KSR2: variants seen among roughly 807,000 people sequenced by gnomAD.
KSR2 encodes the protein kinase suppressor of ras 2.
In KSR2, 25 loss-of-function variants were observed where a neutral mutation model predicts 107.8. The ratio of observed to expected loss-of-function variants is 0.23; its 90% CI spans 0.17 to 0.32. The LOEUF is 0.32. Among genes scored for constraint, KSR2 ranks in the 10% least tolerant of loss-of-function variants. The pLI, the probability that KSR2 is intolerant of heterozygous loss-of-function variation, is 1.00. For missense variants in KSR2, 887 were observed against 1,268.9 expected (o/e 0.70, Z 4.57); for synonymous variants, 480 against 507.0 (o/e 0.95, Z 0.71).
intron 1 of KSR2, among the ~76,000 whole-genome samples, chr12:117,908,531 C>T (rs528077552): frequency 3.3e-5 from 5 of 152,254 alleles, no homozygotes; most frequent in Admixed American, 6.5e-5. Context: ...CTCTGTGACA[C>T]AAATATGCAA....
chr12:117,953,810 G>A (rs1051090004), intron 1 of KSR2, among the ~76,000 whole-genome samples: 1 of 152,198 alleles, frequency 6.6e-6, no homozygotes, highest in Non-Finnish European at 1.5e-5. Context: ...GAAATGGGCA[G>A]GGCACAGTGA....
chr12:117,784,300 T>G (rs1175501694), intron 3 of KSR2, among the ~76,000 whole-genome samples: 2 of 152,118 alleles, frequency 1.3e-5, no homozygotes, highest in Admixed American at 6.5e-5. Flanking sequence ...TCTCACGAGA[T>G]CTGATGGTTT....
In KSR2 at chr12:117,834,361, C is replaced by T. The variant is rs182187156; in HGVS notation, c.472+21067G>A. ...AACAAGTACACCTTTTCCAGGGCAC[C>T]GTATGTTACTGACTTCAATACTGAA... On this transcript the variant is annotated intron_variant, in intron 3 of 19. Coordinates refer to ENST00000339824, the MANE Select transcript of KSR2 (RefSeq NM_173598.6). Among the ~76,000 whole-genome samples the T allele has an allele frequency of 2.0e-4, 28 of 142,590 alleles. No homozygotes were observed. In the East Asian group the frequency reaches 4.5e-3, roughly 23 times the overall value. The allele number at this position is 142,590 out of a possible 152,430, so 93.5% of individuals were successfully genotyped here. A position where few individuals can be genotyped will look rare whatever the true frequency, so the allele number is the denominator to read the frequency against.
At chr12:117,807,643 T>G (rs1891055193) in intron 3 of KSR2, among the ~76,000 whole-genome samples, 1 of 152,224 alleles carries the variant, frequency 6.6e-6, no homozygotes, top group Non-Finnish European at 1.5e-5. Context: ...GACCTATAAA[T>G]GCATCATAAA....
At chr12:117,521,409 C>G (rs1874749420) in intron 14 of KSR2, among the ~76,000 whole-genome samples, 1 of 152,200 alleles carries the variant, frequency 6.6e-6, no homozygotes, top group African/African-American at 2.4e-5. Context: ...GTGAGAGACA[C>G]TTTCACTCAA....
chr12:117,724,380 T>C (rs1887331045), intron 4 of KSR2, among the ~76,000 whole-genome samples: 2 of 152,056 alleles, frequency 1.3e-5, no homozygotes, highest in South Asian at 4.1e-4. Flanking sequence ...AGTAGCAATG[T>C]TCCTCAGATA....
chr12:117,925,620 A>G (rs997526760), intron 1 of KSR2, among the ~76,000 whole-genome samples: 7 of 152,200 alleles, frequency 4.6e-5, no homozygotes, highest in Middle Eastern at 3.2e-3. Context: ...ATGGCTATTA[A>G]TATTATTACT....
chr12:117,631,033 G>A (rs1190067410), intron 5 of KSR2, among the ~76,000 whole-genome samples: 1 of 152,166 alleles, frequency 6.6e-6, no homozygotes. Flanking sequence ...TATTTGTTGA[G>A]TAAGCCAGGC....
rs1881000794 is a variant in KSR2, at chr12:117,602,268, T to C, written c.1172-19909A>G. Among the ~76,000 whole-genome samples, 4 of 152,372 alleles carry C rather than the reference T, an allele frequency of 2.6e-5. No individual in the cohort carries two copies. In the South Asian group the frequency reaches 8.3e-4, roughly 32 times the overall value. On this transcript the variant is annotated intron_variant, in intron 5 of 19. Coordinates refer to ENST00000339824, the MANE Select transcript of KSR2 (RefSeq NM_173598.6). Reference sequence around the variant, plus strand: ...TAAAATAAAATTAACCATTTAAAAGTGTGTGATTCCATTGCCTTTAACACG... The same window carrying C: ...TAAAATAAAATTAACCATTTAAAAGCGTGTGATTCCATTGCCTTTAACACG...
chr12:117,871,808 A>C (rs914131422), intron 1 of KSR2, among the ~76,000 whole-genome samples: 4 of 148,538 alleles, frequency 2.7e-5, no homozygotes, highest in African/African-American at 9.9e-5. Context: ...TCTATATCTT[A>C]TAATTTTTCA....
intron 4 of KSR2, among the ~76,000 whole-genome samples, chr12:117,711,769 C>A (rs2136656492): frequency 6.6e-6 from 1 of 152,320 alleles, no homozygotes; most frequent in African/African-American, 2.4e-5. Flanking sequence ...ACCTTAAGCT[C>A]TTGCAGAGAT....
intron 4 of KSR2, among the ~76,000 whole-genome samples, chr12:117,721,410 T>C (rs1887200560): frequency 6.6e-6 from 1 of 152,360 alleles, no homozygotes; most frequent in South Asian, 2.1e-4. Flanking sequence ...ATGGTCAGAA[T>C]AATACTATTA....
intron 5 of KSR2, among the ~76,000 whole-genome samples, chr12:117,633,008 T>A (rs1882882430): frequency 6.6e-6 from 1 of 152,222 alleles, no homozygotes; most frequent in Non-Finnish European, 1.5e-5. Flanking sequence ...TGCTCTATTT[T>A]TAGTTGCAGG....
intron 5 of KSR2, among the ~76,000 whole-genome samples, chr12:117,632,024 T>A (rs1162386190): frequency 2.0e-5 from 3 of 152,090 alleles, no homozygotes; most frequent in South Asian, 4.1e-4. Context: ...TCTGCCAAAA[T>A]TCTGACTATT....
chr12:117,931,390 G>A (rs1236329515), intron 1 of KSR2, among the ~76,000 whole-genome samples: 1 of 152,132 alleles, frequency 6.6e-6, no homozygotes, highest in Non-Finnish European at 1.5e-5. Flanking sequence ...TTCAGAGAAT[G>A]ACTCAAAAAG....
Position 117,640,966 on chromosome 12 carries a change from G to C in KSR2, c.1171+26508C>G, listed in dbSNP as rs187675977. ...ATTAGCACGCCACTTGCTGAGTCAA[G>C]GCTGAAGACATGCCCCTGATAGACA... On this transcript the variant is annotated intron_variant, in intron 5 of 19. Transcript: ENST00000339824. Among the ~76,000 whole-genome samples, 729 of 152,260 alleles carry C rather than the reference G, an allele frequency of 4.8e-3. 5 individuals carry two copies. Among genetic ancestry groups the C allele is most frequent in the African/African-American group, 0.016 (672 of 41,496 alleles).
chr12:117,904,090 G>A (rs1260315681), intron 1 of KSR2, among the ~76,000 whole-genome samples: 1 of 152,068 alleles, frequency 6.6e-6, no homozygotes, highest in Non-Finnish European at 1.5e-5. Context: ...GAAATCAAAA[G>A]TTTAAAAAAT....
intron 1 of KSR2, among the ~76,000 whole-genome samples, chr12:117,926,339 G>A (rs971797036): frequency 3.9e-5 from 6 of 152,200 alleles, no homozygotes; most frequent in East Asian, 1.9e-4. Flanking sequence ...TCCTGATAAC[G>A]TGTTCACAGG....
chr12:117,778,275 G>C (rs371172474), intron 3 of KSR2, among the ~76,000 whole-genome samples: 2 of 152,024 alleles, frequency 1.3e-5, no homozygotes, highest in East Asian at 1.9e-4. Context: ...ATTTTTAGTA[G>C]AGATGGGGTT....
Sources: allele counts gnomAD v4.1 joint callset (sites outside exome capture counted in the v4.1 genomes callset), GRCh38; gene constraint gnomAD v4.1.1; transcripts MANE v1.5; gene names NCBI Gene and HGNC (gene_info 2026-07-23, HGNC 2026-07-21).